MPDZ: variants seen among roughly 807,000 people sequenced by gnomAD.
MPDZ encodes the protein multiple PDZ domain protein.
Under a neutral mutation model 239.1 loss-of-function variants are expected in MPDZ, and 234 were observed. That is an observed-to-expected ratio of 0.98 (90% CI 0.88 to 1.09). The LOEUF (loss-of-function observed/expected upper bound fraction) is 1.09. Ranked by LOEUF, MPDZ falls within the 50% of genes least tolerant of loss-of-function variation. The pLI, the probability that MPDZ is intolerant of heterozygous loss-of-function variation, is 0.00. For synonymous variants in MPDZ, 1,048 were observed against 881.3 expected (o/e 1.19, Z -3.35); for missense variants, 3,175 against 2,510.0 (o/e 1.26, Z -5.66).
At chr9:13,247,924 A>G in intron 2 of MPDZ, 123 bp from the exon 3 acceptor site, 1 of 954,418 alleles carries the variant, frequency 1.0e-6, no homozygotes, top group Non-Finnish European at 1.5e-6. Context: ...TGTCTCTTTT[A>G]AATTGAATAA....
chr9:13,235,670 T>C (rs1199063035), intron 3 of MPDZ, among the ~76,000 whole-genome samples: 3 of 152,184 alleles, frequency 2.0e-5, no homozygotes, highest in Admixed American at 2.0e-4. Context: ...GGGTATTCAA[T>C]TTAGAAAATA....
chr9:13,160,869 T>TATATATATATATATATATATAA (rs1554669676), intron 23 of MPDZ, among the ~76,000 whole-genome samples: 1 of 127,808 alleles, frequency 7.8e-6, no homozygotes, highest in African/African-American at 2.9e-5. Flanking sequence ...TATATATATA[T>TATATATATATATATATATATAA]AAAACAGGTA....
Position 13,165,386 on chromosome 9 carries a change from C to A in MPDZ, c.3255-2591G>T, listed in dbSNP as rs1056794385. On this transcript the variant is annotated intron_variant, in intron 22 of 46. Transcript: ENST00000319217. ...ACTCACACATAAAAGGGGGCTCGAT[C>A]GTCAGCAGGTGCTGCAGAAAATCTA... The A allele has an allele frequency of 2.6e-6, 4 of 1,549,352 alleles. No individual in the cohort carries two copies. The South Asian group carries it at 3.6e-5, about 14-fold the overall frequency.
In MPDZ at chr9:13,223,575, G is replaced by A. The variant is rs149105522; in HGVS notation, c.529C>T (p.His177Tyr). The A allele has an allele frequency of 8.8e-4, 1,415 of 1,610,552 alleles. 11 individuals carry two copies. The African/African-American group carries it at 0.016, about 19-fold the overall frequency. Residue 177 changes from histidine (H) to tyrosine (Y), a missense_variant, in exon 5 of 47, where the codon CAT becomes TAT. Physicochemically the swap from His to Tyr is moderately conservative, Grantham distance 83. Coordinates refer to ENST00000319217, the MANE Select transcript of MPDZ (RefSeq NM_001378778.1). ...VQEIQEGSVAHRDGRLKETDQ... is the reference protein window; with the variant it reads ...VQEIQEGSVAYRDGRLKETDQ... ...AAGACGCCGCGACCATCTCACCTATGGGCCACACTGCCCTCTTGTATCTCT... is the reference window on the plus strand; with the variant it reads ...AAGACGCCGCGACCATCTCACCTATAGGCCACACTGCCCTCTTGTATCTCT...
chr9:13,124,719 A>C (rs778904540), intron 35 of MPDZ, among the ~76,000 whole-genome samples: 10 of 152,208 alleles, frequency 6.6e-5, no homozygotes, highest in Non-Finnish European at 1.5e-4. Context: ...CATGGCAATG[A>C]CTAAAGAGTT....
intron 1 of MPDZ, among the ~76,000 whole-genome samples, chr9:13,264,218 A>G (rs1330347588): frequency 1.3e-5 from 2 of 152,138 alleles, no homozygotes; most frequent in African/African-American, 4.8e-5. Flanking sequence ...TTTTATTTTT[A>G]AGATGGTTGG....
chr9:13,155,522 T>C (rs1051117371), intron 24 of MPDZ, among the ~76,000 whole-genome samples: 6 of 152,154 alleles, frequency 3.9e-5, no homozygotes, highest in African/African-American at 1.2e-4. Flanking sequence ...TCAAGCTTGA[T>C]AGATTTACAA....
chr9:13,188,901 G>C lies in MPDZ; in HGVS notation c.2247C>G (p.Asp749Glu). ...TAACATCGTTTACAAACATGAGTCG[G>C]TCACCAGGAAGAAGTCGTCCATCCT... ...AEKDGRLLPG[D>E]RLMFVNDVNL... Residue 749 changes from aspartate to glutamate, a missense_variant, in exon 17 of 47, where the codon GAC becomes GAG. Asp to Glu is a conservative substitution (Grantham distance 45). Coordinates refer to ENST00000319217, the MANE Select transcript of MPDZ (RefSeq NM_001378778.1). The C allele has an allele frequency of 6.2e-7, 1 of 1,613,540 alleles. No homozygotes were observed. Among genetic ancestry groups the C allele is most frequent in the Non-Finnish European group, 8.5e-7 (1 of 1,179,604 alleles).
In MPDZ at chr9:13,216,789, T is replaced by A; in HGVS notation, c.1275A>T (p.Gly425=). The A allele has an allele frequency of 6.2e-7, 1 of 1,608,514 alleles. No homozygotes were observed. Among genetic ancestry groups the A allele is most frequent in the African/African-American group, 1.3e-5 (1 of 74,826 alleles). The stretch of plus-strand genomic sequence containing the variant: ...TGTAACTTACTGCTATAATTTGGTC[T>A]CCAATTTGGATTCTTCCATCATGCT... The part of the protein sequence containing the change: ...AVEHDGRIQI[G]DQIIAVDGTN... The change falls in exon 10 of 47, where the codon GGA becomes GGT. Residue 425 remains glycine (G), a synonymous_variant. Transcript: ENST00000319217.
At chr9:13,268,496 G>A (rs1972272069) in intron 1 of MPDZ, among the ~76,000 whole-genome samples, 1 of 152,066 alleles carries the variant, frequency 6.6e-6, no homozygotes, top group South Asian at 2.1e-4. Context: ...GAAGAATGAG[G>A]ATAACTATCT....
At chr9:13,279,117 C>CGCA (rs977913649) in intron 1 of MPDZ, 14 of 151,852 alleles carry the variant, frequency 9.2e-5, no homozygotes, top group African/African-American at 3.4e-4. Context: ...GGAGTGGAGA[C>CGCA]TTGCGAGTAG....
Position 13,110,060 on chromosome 9 carries a change from A to G in MPDZ, c.5834T>C (p.Val1945Ala). The G allele has an allele frequency of 6.2e-7, 1 of 1,612,106 alleles. No homozygotes were observed. The highest frequency in any genetic ancestry group is 8.5e-7 in the Non-Finnish European group (1 of 1,179,040). ...GACCACACTCACGTCTCCTCCAGCA[A>G]CCACCTGCGCACAGGAGGAGGATAA... Reference protein sequence around the residue: ...NASGSIEMQVVAGGDVSVVTG... With the variant: ...NASGSIEMQVAAGGDVSVVTG... Residue 1945 changes from valine to alanine, a missense_variant, in exon 45 of 47, where the codon GTT (valine) becomes GCT (alanine). Val to Ala is a moderately conservative substitution (Grantham distance 64, BLOSUM62 0). Transcript: ENST00000319217.
intron 27 of MPDZ, among the ~76,000 whole-genome samples, chr9:13,142,952 T>C (rs1391619047): frequency 1.3e-5 from 2 of 152,122 alleles, no homozygotes; most frequent in African/African-American, 2.4e-5. Context: ...TTTACGAGCA[T>C]TGAAACAGTT....
At position 13,176,144 on chromosome 9, in the gene MPDZ, C is replaced by A. The variant is rs1188162963; in HGVS notation, c.2923G>T (p.Ala975Ser). 4 of 1,591,418 alleles carry A rather than the reference C, an allele frequency of 2.5e-6. No homozygotes were observed. Among genetic ancestry groups the A allele is most frequent in the Non-Finnish European group, 8.6e-7 (1 of 1,167,454 alleles). ...TATCTTTAAAATATTACCTTTCCAG[C>A]TGAATCGGGTAGCACAGAAGGAAGT... ...AELPSVLPDS[A>S]GKGSEYLLEQ... Residue 975 changes from alanine to serine, a missense_variant, in exon 20 of 47, where the codon GCT (alanine) becomes TCT (serine). Physicochemically the swap from Ala to Ser is moderately conservative, Grantham distance 99 (BLOSUM62 1). Coordinates refer to ENST00000319217, the MANE Select transcript of MPDZ (RefSeq NM_001378778.1).
Position 13,166,803 on chromosome 9 carries a change from A to C in MPDZ, c.3254+1563T>G, listed in dbSNP as rs1290433651. Reference sequence around the variant, plus strand: ...GGAAACGGAAATACACAACAAAAAAATGAGGAAAGGGGAAAAAAGACTTTG... The same window carrying C: ...GGAAACGGAAATACACAACAAAAAACTGAGGAAAGGGGAAAAAAGACTTTG... On this transcript the variant is annotated intron_variant, in intron 22 of 46. Transcript: ENST00000319217. Among the ~76,000 whole-genome samples the C allele has an allele frequency of 6.6e-5, 10 of 152,264 alleles. No individual in the cohort carries two copies. In the South Asian group the frequency reaches 1.2e-3, roughly 19 times the overall value.
At chr9:13,196,334 A>G (rs529982094) in intron 12 of MPDZ, 104 bp from the exon 13 acceptor site, 16 of 678,860 alleles carry the variant, frequency 2.4e-5, no homozygotes, top group South Asian at 8.5e-5. Flanking sequence ...GTATCACGTC[A>G]GACTCTTCGC....
intron 3 of MPDZ, among the ~76,000 whole-genome samples, chr9:13,239,915 C>G (rs1040055928): frequency 6.6e-6 from 1 of 152,034 alleles, no homozygotes; most frequent in Non-Finnish European, 1.5e-5. Context: ...TTATTTAAAT[C>G]TCAACAATTC....
intron 3 of MPDZ, among the ~76,000 whole-genome samples, chr9:13,240,002 G>A (rs778243853): frequency 6.6e-6 from 1 of 151,928 alleles, no homozygotes; most frequent in Admixed American, 6.6e-5. Flanking sequence ...TTCTTATCAA[G>A]GTATGCTGAA....
At chr9:13,180,714 C>CT (rs1392436496) in intron 19 of MPDZ, among the ~76,000 whole-genome samples, 1 of 152,138 alleles carries the variant, frequency 6.6e-6, no homozygotes, top group Non-Finnish European at 1.5e-5. Context: ...AAAAACACGG[C>CT]TAGAGCCATG....
Sources: gnomAD v4.1 joint callset for allele counts (sites outside exome capture counted in the v4.1 genomes callset) on GRCh38, gnomAD v4.1.1 for gene constraint, MANE v1.5 for transcripts, NCBI Gene and HGNC (gene_info 2026-07-23, HGNC 2026-07-21) for gene names.